Variants in MLIP observed in about 807,000 individuals in gnomAD.
MLIP encodes muscular LMNA interacting protein.
MLIP carries 79 observed loss-of-function variants against 84.8 expected under a neutral mutation model. That is an observed-to-expected ratio of 0.93 (90% CI 0.78 to 1.12). The LOEUF is 1.12. MLIP is among the 50% of genes most tolerant of loss of function. The pLI, the probability that MLIP is intolerant of heterozygous loss-of-function variation, is 0.00. For missense variants in MLIP, 1,257 were observed against 1,160.6 expected (o/e 1.08, Z -1.21); for synonymous variants, 504 against 463.0 (o/e 1.09, Z -1.14).
intron 1 of MLIP, chr6:54,083,721 T>C: frequency 7.6e-7 from 1 of 1,311,420 alleles, no homozygotes; most frequent in Admixed American, 2.0e-5. Flanking sequence ...TTATTTCGTA[T>C]TGCAGTAGTT....
At chr6:54,203,699 C>T (rs1445139194) in intron 11 of MLIP, 1 of 152,610 alleles carries the variant, frequency 6.6e-6, no homozygotes, top group African/African-American at 2.4e-5. Context: ...GATTCTCCTG[C>T]CTCAGCTTCC....
chr6:54,116,792 A>T (rs1026811666), intron 1 of MLIP, among the ~76,000 whole-genome samples: 2 of 152,222 alleles, frequency 1.3e-5, no homozygotes, highest in African/African-American at 4.8e-5. Flanking sequence ...ACACAACAAG[A>T]AAAGAAAGCT....
intron 1 of MLIP, among the ~76,000 whole-genome samples, chr6:54,070,335 C>T (rs1766410507): frequency 6.6e-6 from 1 of 152,014 alleles, no homozygotes; most frequent in Non-Finnish European, 1.5e-5. Context: ...TCCCCACCTC[C>T]CCCCCATGTT....
At chr6:54,221,480 T>C (rs1217115460) in intron 11 of MLIP, among the ~76,000 whole-genome samples, 1 of 152,158 alleles carries the variant, frequency 6.6e-6, no homozygotes, top group East Asian at 1.9e-4. Context: ...GGAGAGATCA[T>C]AATCTGCAAA....
At chr6:54,123,059 A>G (rs1022569307) in intron 2 of MLIP, among the ~76,000 whole-genome samples, 3 of 151,866 alleles carry the variant, frequency 2.0e-5, no homozygotes, top group African/African-American at 7.3e-5. Context: ...AGCCTCCCGA[A>G]TAGCTGGGAC....
chr6:54,166,598 C>T (rs1307455676), intron 8 of MLIP, among the ~76,000 whole-genome samples: 1 of 151,844 alleles, frequency 6.6e-6, no homozygotes, highest in Non-Finnish European at 1.5e-5. Context: ...ATTATCATTT[C>T]TTAGTCTCCT....
intron 9 of MLIP, among the ~76,000 whole-genome samples, chr6:54,186,781 G>A (rs977046741): frequency 6.6e-6 from 1 of 152,266 alleles, no homozygotes; most frequent in Non-Finnish European, 1.5e-5. Flanking sequence ...TGGGGATTAT[G>A]TGGATTATAA....
intron 1 of MLIP, among the ~76,000 whole-genome samples, chr6:54,106,276 A>T (rs1169818097): frequency 2.6e-5 from 4 of 152,176 alleles, no homozygotes; most frequent in African/African-American, 9.7e-5. Flanking sequence ...CTAAGAAGGC[A>T]GAGTGACTTT....
At chr6:54,042,199 T>C (rs1440670975) in intron 1 of MLIP, among the ~76,000 whole-genome samples, 2 of 152,166 alleles carry the variant, frequency 1.3e-5, no homozygotes, top group Non-Finnish European at 2.9e-5. Flanking sequence ...ACAGCCTTTC[T>C]GTGAATAAAA....
intron 12 of MLIP, among the ~76,000 whole-genome samples, chr6:54,236,634 C>A (rs1171897947): frequency 2.6e-5 from 4 of 151,138 alleles, no homozygotes; most frequent in South Asian, 2.1e-4. Flanking sequence ...TTTTTGCATT[C>A]TCTCTGGTAT....
intron 12 of MLIP, among the ~76,000 whole-genome samples, chr6:54,250,867 G>T (rs1782427015): frequency 6.6e-6 from 1 of 151,982 alleles, no homozygotes; most frequent in African/African-American, 2.4e-5. Context: ...TTTAGTTTAG[G>T]TTAGATTCAT....
At chr6:54,222,209 G>T (rs183934658) in intron 11 of MLIP, among the ~76,000 whole-genome samples, 34 of 152,118 alleles carry the variant, frequency 2.2e-4, no homozygotes, top group African/African-American at 7.5e-4. Flanking sequence ...TACTATTATT[G>T]TTGTGGTAAG....
chr6:54,083,463 C>T (rs1044926262), intron 1 of MLIP: 22 of 1,526,324 alleles, frequency 1.4e-5, no homozygotes, highest in Non-Finnish European at 1.7e-5. Context: ...TGCAGCTCAT[C>T]AATATCAGCA....
intron 12 of MLIP, among the ~76,000 whole-genome samples, chr6:54,248,885 C>T (rs1782265201): frequency 6.6e-6 from 1 of 152,008 alleles, no homozygotes; most frequent in Non-Finnish European, 1.5e-5. Context: ...TGCATTTCAA[C>T]AGAATATACC....
chr6:54,258,601 T>C (rs1783176780), intron 13 of MLIP, among the ~76,000 whole-genome samples: 1 of 152,028 alleles, frequency 6.6e-6, no homozygotes, highest in South Asian at 2.1e-4. Flanking sequence ...GAGGAGTGTG[T>C]TATAATAATA....
intron 10 of MLIP, among the ~76,000 whole-genome samples, chr6:54,190,950 C>G (rs1242884930): frequency 6.6e-6 from 1 of 151,790 alleles, no homozygotes; most frequent in Non-Finnish European, 1.5e-5. Context: ...CGCCCGCCAC[C>G]GAGCCCGGCT....
intron 12 of MLIP, among the ~76,000 whole-genome samples, chr6:54,251,705 T>TAA (rs1782528769): frequency 2.3e-4 from 20 of 88,510 alleles, no homozygotes; most frequent in Non-Finnish European, 3.4e-4. Flanking sequence ...TTATAACATA[T>TAA]GATACATATA....
chr6:54,121,380 T>C, intron 1 of MLIP, 67 bp from the exon 2 acceptor site: 1 of 1,496,082 alleles, frequency 6.7e-7, no homozygotes, highest in South Asian at 1.2e-5. Flanking sequence ...TATCATGTCA[T>C]ATGGAGAATA....
rs1765217266 is a variant in MLIP, at chr6:54,048,807, G to A, written c.63+29716G>A. Among the ~76,000 whole-genome samples the A allele has an allele frequency of 2.0e-5, 3 of 152,090 alleles. No individual in the cohort carries two copies. The South Asian group carries it at 6.2e-4, about 32-fold the overall frequency. ...TTTAGTGATGGAAAGTGTAGAATGG[G>A]GAGGAGTCTTGTATTGGCTGAGTTT... On this transcript the variant is annotated intron_variant, in intron 1 of 12. Transcript: ENST00000274897.
Sources: gnomAD v4.1 joint callset for allele counts (sites outside exome capture counted in the v4.1 genomes callset) on GRCh38, gnomAD v4.1.1 for gene constraint, MANE v1.5 for transcripts, NCBI Gene and HGNC (gene_info 2026-07-23, HGNC 2026-07-21) for gene names.